Variants in SCUBE1 observed in about 807,000 individuals in gnomAD.
SCUBE1 encodes the protein signal peptide, CUB and EGF-like domain-containing protein 1.
In SCUBE1, 59 loss-of-function variants were observed where a neutral mutation model predicts 124.4. The observed-to-expected ratio is 0.47, with a 90% CI of 0.38 to 0.59. The LOEUF is 0.59. Ranked by LOEUF, SCUBE1 falls within the 20% of genes least tolerant of loss-of-function variation. The pLI is 0.00. For synonymous variants in SCUBE1, 545 were observed against 550.9 expected, an observed-to-expected ratio of 0.99 and a Z score of 0.15; for missense variants, 1,150 against 1,371.2, an observed-to-expected ratio of 0.84 and a Z score of 2.55.
chr22:43,306,695 T>C (rs1272138762), intron 3 of SCUBE1, among the ~76,000 whole-genome samples: 1 of 152,146 alleles, frequency 6.6e-6, no homozygotes, highest in Non-Finnish European at 1.5e-5. Flanking sequence ...CACCCTTCTC[T>C]GTATCCCCAG....
chr22:43,338,671 A>G (rs1236019615), intron 2 of SCUBE1, among the ~76,000 whole-genome samples: 1 of 152,036 alleles, frequency 6.6e-6, no homozygotes, highest in Non-Finnish European at 1.5e-5. Context: ...GATTATAGGC[A>G]TGCACCACCA....
Position 43,210,323 on chromosome 22 carries a change from G to C in SCUBE1, c.2384-83C>G. On this transcript the variant is annotated intron_variant, in intron 18 of 21. Coordinates refer to ENST00000360835, the MANE Select transcript of SCUBE1 (RefSeq NM_173050.5). The surrounding 1 kb of genome is among the most constrained non-coding windows in gnomAD (Gnocchi z 4.5). ...GGCCAGGCCTCTAACCACCTGGGAGGCCTAGGGCAGGGCTGGAAGGTGCTC... is the reference window on the plus strand; with the variant it reads ...GGCCAGGCCTCTAACCACCTGGGAGCCCTAGGGCAGGGCTGGAAGGTGCTC... 1 of 1,254,786 alleles carries C rather than the reference G, an allele frequency of 8.0e-7. No homozygotes were observed. Among genetic ancestry groups the C allele is most frequent in the South Asian group, 1.6e-5 (1 of 63,600 alleles). The allele number at this position is 1,254,786 out of a possible 1,614,324, so 77.7% of individuals were successfully genotyped here. A position where few individuals can be genotyped will look rare whatever the true frequency, so the allele number is the denominator to read the frequency against.
intron 4 of SCUBE1, among the ~76,000 whole-genome samples, chr22:43,281,609 T>TC (rs1273232808): frequency 3.5e-5 from 5 of 143,418 alleles, no homozygotes; most frequent in African/African-American, 8.5e-5. Flanking sequence ...TCCTGTCACC[T>TC]CCTCCTCAGC....
At chr22:43,222,842 C>A in intron 11 of SCUBE1, 100 bp from the exon 12 acceptor site, 2 of 1,055,502 alleles carry the variant, frequency 1.9e-6, no homozygotes, top group Non-Finnish European at 2.8e-6. Flanking sequence ...AGACGAAGAT[C>A]AGGACAGATT....
chr22:43,294,433 C>T (rs968708359), intron 3 of SCUBE1, among the ~76,000 whole-genome samples: 2 of 151,862 alleles, frequency 1.3e-5, no homozygotes, highest in African/African-American at 4.8e-5. Flanking sequence ...CACTTGGAGG[C>T]CCTGGCCAGG....
intron 12 of SCUBE1, 45 bp from the exon 13 acceptor site, chr22:43,221,334 G>A (rs1385346653): frequency 1.6e-6 from 2 of 1,257,658 alleles, no homozygotes; most frequent in Non-Finnish European, 2.3e-6. Context: ...TCTCCTGCAG[G>A]CAAGGAGGTG....
rs986031386 is a variant in SCUBE1, at chr22:43,306,429, T to C, written c.349+13508A>G. On this transcript the variant is annotated intron_variant, in intron 3 of 21. Coordinates refer to ENST00000360835, the MANE Select transcript of SCUBE1 (RefSeq NM_173050.5). ...TGTTTATGGACTCGGTATTCTCTGC[T>C]CTGAGACAGAGCGGGGCTTCTTCCT... Among the ~76,000 whole-genome samples the C allele has an allele frequency of 5.9e-5, 9 of 152,278 alleles. No individual in the cohort carries two copies. In the South Asian group the frequency reaches 1.5e-3, roughly 25 times the overall value.
chr22:43,309,705 A>AC (rs370116192), intron 3 of SCUBE1, among the ~76,000 whole-genome samples: 3 of 151,262 alleles, frequency 2.0e-5, no homozygotes, highest in African/African-American at 4.9e-5. Flanking sequence ...CTCCGTGTCC[A>AC]CCCCCACACC....
rs1922079356 is a variant in SCUBE1, at chr22:43,221,242, C to T, written c.1480G>A (p.Asp494Asn). ...TGGGGCCGGAGGTGGCACTTGGCAT[C>T]TCGGATCTTGAAGCGGGCCTTCTGT... ...IKQKARFKIR[D>N]AKCHLRPHSQ... The change falls in exon 13 of 22, where the codon GAT (aspartate) becomes AAT (asparagine). Residue 494 changes from aspartate (D) to asparagine (N), a missense_variant. Asp to Asn is a conservative substitution (Grantham distance 23). This residue lies in a region of SCUBE1 where 757 missense variants were observed against 840.9 expected (regional missense o/e 0.90). Transcript: ENST00000360835. 6.2e-7 allele frequency: 1 copy of T among 1,611,862 alleles called. No homozygotes were observed. Among genetic ancestry groups the T allele is most frequent in the South Asian group, 1.1e-5 (1 of 91,060 alleles).
At position 43,271,104 on chromosome 22, in the gene SCUBE1, T is replaced by C. The variant is rs527377779; in HGVS notation, c.485-8259A>G. Among the ~76,000 whole-genome samples, 8 of 152,298 alleles carry C rather than the reference T, an allele frequency of 5.3e-5. No individual in the cohort carries two copies. The South Asian group carries it at 6.2e-4, about 12-fold the overall frequency. On this transcript the variant is annotated intron_variant, in intron 4 of 21. Coordinates refer to ENST00000360835, the MANE Select transcript of SCUBE1 (RefSeq NM_173050.5). Reference sequence around the variant, plus strand: ...CCTCTGAATGGCAACTTCTGGCTAGTTACTTGAGATGCTGTTTCTGTGTCA... The same window carrying C: ...CCTCTGAATGGCAACTTCTGGCTAGCTACTTGAGATGCTGTTTCTGTGTCA...
intron 7 of SCUBE1, among the ~76,000 whole-genome samples, chr22:43,233,114 C>T (rs1287455291): frequency 6.6e-6 from 1 of 152,224 alleles, no homozygotes; most frequent in Admixed American, 6.5e-5. Flanking sequence ...CCTGTAATCC[C>T]AGCACTTTAG....
chr22:43,299,637 A>T (rs1264660467), intron 3 of SCUBE1, among the ~76,000 whole-genome samples: 2 of 152,190 alleles, frequency 1.3e-5, no homozygotes, highest in African/African-American at 4.8e-5. Flanking sequence ...TCTGGTTGAG[A>T]TAGAACTCAT....
chr22:43,310,703 C>T (rs941277762), intron 3 of SCUBE1, among the ~76,000 whole-genome samples: 2 of 152,238 alleles, frequency 1.3e-5, no homozygotes, highest in African/African-American at 4.8e-5. Context: ...TTTAATTTTA[C>T]TTTTCAAAAT....
chr22:43,235,824 G>A (rs1394014148), intron 7 of SCUBE1, among the ~76,000 whole-genome samples: 1 of 152,048 alleles, frequency 6.6e-6, no homozygotes, highest in East Asian at 1.9e-4. Context: ...CTCTTGGAGG[G>A]ACCGATTAGC....
chr22:43,288,704 C>A (rs943227160), intron 4 of SCUBE1, among the ~76,000 whole-genome samples: 2 of 152,252 alleles, frequency 1.3e-5, no homozygotes, highest in African/African-American at 4.8e-5. Context: ...GAGCGGGCCC[C>A]ATAGCTAGCG....
intron 3 of SCUBE1, among the ~76,000 whole-genome samples, chr22:43,319,709 C>T (rs1045921830): frequency 6.6e-6 from 1 of 152,084 alleles, no homozygotes; most frequent in Non-Finnish European, 1.5e-5. Flanking sequence ...TCCGAAAAAC[C>T]AACCCTGCCC....
rs765828809 is a variant in SCUBE1 at position 43,320,019 on chromosome 22, G to A, written c.267C>T (p.His89=). 21 of 1,613,954 alleles carry A rather than the reference G, an allele frequency of 1.3e-5. No individual in the cohort carries two copies. In the African/African-American group the frequency reaches 1.9e-4, roughly 14 times the overall value. The change falls in exon 3 of 22, where the codon CAC becomes CAT. Residue 89 remains histidine, a synonymous_variant. Coordinates refer to ENST00000360835, the MANE Select transcript of SCUBE1 (RefSeq NM_173050.5). ...AGTTCCCCGGGATGTTGATGCACTCGTGGACACAGCCCCCATTGTAGTAGT... is the reference window on the plus strand; with the variant it reads ...AGTTCCCCGGGATGTTGATGCACTCATGGACACAGCCCCCATTGTAGTAGT... ...ENDYYNGGCV[H]ECINIPGNYR...
intron 3 of SCUBE1, among the ~76,000 whole-genome samples, chr22:43,319,217 G>A (rs1468834204): frequency 6.6e-6 from 1 of 152,146 alleles, no homozygotes; most frequent in Admixed American, 6.5e-5. Flanking sequence ...GGAGTTTGTA[G>A]AGTGGGCCCT....
chr22:43,226,427 G>T (rs555178770), intron 10 of SCUBE1, among the ~76,000 whole-genome samples: 59 of 84,798 alleles, frequency 7.0e-4, no homozygotes, highest in Middle Eastern at 4.5e-3. Flanking sequence ...GTGCTGGTGT[G>T]GGGGGGCCCT....
Sources: gnomAD v4.1 joint callset for allele counts (sites outside exome capture counted in the v4.1 genomes callset) on GRCh38, gnomAD v4.1.1 for gene constraint, gnomAD v4.1.1 regional missense constraint, Gnocchi (gnomAD v3.1) non-coding constraint, MANE v1.5 for transcripts, NCBI Gene and HGNC (gene_info 2026-07-23, HGNC 2026-07-21) for gene names.